The following TSPAN9 variants were observed in gnomAD, a reference collection of about 807,000 sequenced individuals.
TSPAN9 encodes the protein tetraspanin-9.
Under a neutral mutation model 31.0 loss-of-function variants are expected in TSPAN9, and 16 were observed. The ratio of observed to expected loss-of-function variants is 0.52; its 90% CI spans 0.35 to 0.78. The LOEUF (loss-of-function observed/expected upper bound fraction) is 0.78, where lower values mean the gene tolerates loss of function less well. Among genes scored for constraint, TSPAN9 ranks in the 30% least tolerant of loss-of-function variants. The pLI is 0.01. For missense variants in TSPAN9, 272 were observed against 312.5 expected (o/e 0.87, Z 0.98); for synonymous variants, 145 against 121.6 (o/e 1.19, Z -1.27).
intron 3 of TSPAN9, among the ~76,000 whole-genome samples, chr12:3,220,626 C>T (rs17695829): frequency 0.024 from 3,631 of 152,344 alleles, 42 homozygotes; most frequent in Middle Eastern, 0.044. Context: ...ATATGTTTTC[C>T]TGGGACCCAC....
intron 2 of TSPAN9, among the ~76,000 whole-genome samples, chr12:3,099,279 G>A (rs1288979886): frequency 2.6e-5 from 4 of 152,124 alleles, no homozygotes; most frequent in South Asian, 2.1e-4. Context: ...TCAAGCGCAC[G>A]GATCTTCTGC....
chr12:3,138,835 T>C (rs1287799924), intron 2 of TSPAN9, among the ~76,000 whole-genome samples: 1 of 152,136 alleles, frequency 6.6e-6, no homozygotes. Flanking sequence ...TGGCTTTCTT[T>C]CCCTGCACTT....
chr12:3,136,868 C>T (rs2098332408), intron 2 of TSPAN9, among the ~76,000 whole-genome samples: 1 of 152,204 alleles, frequency 6.6e-6, no homozygotes, highest in East Asian at 1.9e-4. Flanking sequence ...CTGGGGACCC[C>T]TCTAAGGCAG....
intron 2 of TSPAN9, among the ~76,000 whole-genome samples, chr12:3,095,259 C>T (rs1162526758): frequency 7.2e-6 from 1 of 139,798 alleles, no homozygotes; most frequent in South Asian, 2.5e-4. Context: ...AAAAGTCTCC[C>T]ATGTCTACTT....
intron 8 of TSPAN9, among the ~76,000 whole-genome samples, chr12:3,282,725 C>T (rs1862921096): frequency 6.6e-6 from 1 of 152,164 alleles, no homozygotes; most frequent in Non-Finnish European, 1.5e-5. Context: ...TCCTGTGAGC[C>T]CCCACGTAGA....
chr12:3,155,784 T>TC (rs2098341949), intron 2 of TSPAN9, among the ~76,000 whole-genome samples: 4 of 152,138 alleles, frequency 2.6e-5, no homozygotes, highest in Admixed American at 2.6e-4. Flanking sequence ...AGGAAAATTG[T>TC]CCCCCTTGGG....
intron 3 of TSPAN9, among the ~76,000 whole-genome samples, chr12:3,243,954 C>G (rs868563132): frequency 1.3e-5 from 2 of 152,210 alleles, no homozygotes; most frequent in Non-Finnish European, 2.9e-5. Context: ...TCCTGGGAAC[C>G]AGGGCTTACC....
chr12:3,108,326 G>C (rs906508543), intron 2 of TSPAN9, among the ~76,000 whole-genome samples: 2 of 152,188 alleles, frequency 1.3e-5, no homozygotes, highest in African/African-American at 2.4e-5. Flanking sequence ...ATTTTGGCTT[G>C]GTATAGGATC....
chr12:3,142,037 AC>A (rs2098335111), intron 2 of TSPAN9, among the ~76,000 whole-genome samples: 2 of 152,178 alleles, frequency 1.3e-5, no homozygotes, highest in African/African-American at 4.8e-5. Context: ...TAAGTGTCTT[AC>A]CATGGCCAGG....
At chr12:3,217,632 G>T (rs1329811784) in intron 3 of TSPAN9, among the ~76,000 whole-genome samples, 2 of 152,234 alleles carry the variant, frequency 1.3e-5, no homozygotes, top group East Asian at 3.9e-4. Context: ...TTTCCCTTTG[G>T]GAGGGGGAGA....
chr12:3,263,143 G>A (rs745844419), intron 3 of TSPAN9, among the ~76,000 whole-genome samples: 1 of 152,216 alleles, frequency 6.6e-6, no homozygotes, highest in Admixed American at 6.5e-5. Flanking sequence ...CTGTGAAATG[G>A]ACTCATAGCA....
chr12:3,111,088 T>G (rs921101396), intron 2 of TSPAN9, among the ~76,000 whole-genome samples: 3 of 152,188 alleles, frequency 2.0e-5, no homozygotes, highest in Admixed American at 6.5e-5. Flanking sequence ...GTGCGAGTGC[T>G]GGGATGTTGC....
At chr12:3,236,404 A>T (rs1167145926) in intron 3 of TSPAN9, among the ~76,000 whole-genome samples, 1 of 152,204 alleles carries the variant, frequency 6.6e-6, no homozygotes, top group Non-Finnish European at 1.5e-5. Flanking sequence ...CCTTTTACAG[A>T]TGAGGCAGCT....
intron 3 of TSPAN9, among the ~76,000 whole-genome samples, chr12:3,230,712 T>A (rs1008562523): frequency 6.6e-6 from 1 of 152,098 alleles, no homozygotes; most frequent in Non-Finnish European, 1.5e-5. Context: ...CATGCCGGCC[T>A]GTCCCACCAG....
At chr12:3,151,871 C>T (rs967005990) in intron 2 of TSPAN9, among the ~76,000 whole-genome samples, 1 of 151,980 alleles carries the variant, frequency 6.6e-6, no homozygotes. Context: ...TGCAGTGAGC[C>T]GAGATCGTGC....
chr12:3,168,731 C>T lies in TSPAN9; in HGVS notation c.-17-32446C>T, dbSNP rs1018896619. ...ATAAATCTTAATTCTCTTCCCAGAC[C>T]AGGTCCTGTCTCTCTGGGAAGCTGA... On this transcript the variant is annotated intron_variant, in intron 2 of 8. Coordinates refer to ENST00000011898, the MANE Select transcript of TSPAN9 (RefSeq NM_006675.5). This position sits in a 1 kb window ranked among gnomAD's most constrained non-coding sequence, Gnocchi z 4.0. Among the ~76,000 whole-genome samples the T allele has an allele frequency of 1.6e-4, 24 of 152,266 alleles. No homozygotes were observed. Among genetic ancestry groups the T allele is most frequent in the African/African-American group, 5.3e-4 (22 of 41,550 alleles).
intron 3 of TSPAN9, among the ~76,000 whole-genome samples, chr12:3,263,038 A>C (rs1277855615): frequency 1.3e-5 from 2 of 152,078 alleles, no homozygotes; most frequent in African/African-American, 4.8e-5. Flanking sequence ...CTTGGACATC[A>C]CTTCCTGCCA....
intron 2 of TSPAN9, among the ~76,000 whole-genome samples, chr12:3,099,599 C>T (rs1407840252): frequency 6.6e-6 from 1 of 152,148 alleles, no homozygotes; most frequent in Non-Finnish European, 1.5e-5. Flanking sequence ...ATGCCAGATC[C>T]TGTAAATTTA....
At chr12:3,208,718 A>G (rs1239126567) in intron 3 of TSPAN9, among the ~76,000 whole-genome samples, 1 of 152,248 alleles carries the variant, frequency 6.6e-6, no homozygotes, top group Non-Finnish European at 1.5e-5. Flanking sequence ...TAAAAAAATC[A>G]TAAAACAAAC....
Sources: gnomAD v4.1 joint callset for allele counts (sites outside exome capture counted in the v4.1 genomes callset) on GRCh38, gnomAD v4.1.1 for gene constraint, Gnocchi (gnomAD v3.1) non-coding constraint, MANE v1.5 for transcripts, NCBI Gene and HGNC (gene_info 2026-07-23, HGNC 2026-07-21) for gene names.